The following WDPCP variants were observed in gnomAD, a reference collection of about 807,000 sequenced individuals.
WDPCP encodes WD repeat-containing and planar cell polarity effector protein fritz homolog.
WDPCP carries 71 observed loss-of-function variants against 93.1 expected under a neutral mutation model. That is an observed-to-expected ratio of 0.76 (90% CI 0.63 to 0.93). WDPCP has a LOEUF of 0.93. WDPCP is among the 40% of genes least tolerant of loss of function. The pLI is 0.00. For missense variants in WDPCP, 844 were observed against 887.4 expected (o/e 0.95, Z 0.62); for synonymous variants, 315 against 315.0 (o/e 1.00, Z 0.00).
At chr2:63,232,379 A>T (rs767873161) in intron 14 of WDPCP, 6 of 152,206 alleles carry the variant, frequency 3.9e-5, no homozygotes, top group African/African-American at 7.2e-5. Context: ...AGAAGAGAAG[A>T]TCCTTTGAAA....
At chr2:63,295,721 A>T (rs1684795033) in intron 13 of WDPCP, among the ~76,000 whole-genome samples, 2 of 151,940 alleles carry the variant, frequency 1.3e-5, no homozygotes, top group Non-Finnish European at 2.9e-5. Context: ...AAGAAATAGA[A>T]ATCCTGAACA....
At chr2:63,470,502 A>G (rs1188457731) in intron 6 of WDPCP, among the ~76,000 whole-genome samples, 4 of 152,082 alleles carry the variant, frequency 2.6e-5, no homozygotes, top group Admixed American at 2.6e-4. Context: ...TGATGCCTCA[A>G]CACTCAAAAT....
Position 63,164,932 on chromosome 2 carries a change from C to G in WDPCP, c.2078+9738G>C, listed in dbSNP as rs371849798. 8.7e-4 allele frequency among the ~76,000 whole-genome samples: 132 copies of G among 152,166 alleles called. No individual in the cohort carries two copies. The South Asian group carries it at 1.0e-2, about 11-fold the overall frequency. On this transcript the variant is annotated intron_variant, in intron 15 of 17. Coordinates refer to ENST00000272321, the MANE Select transcript of WDPCP (RefSeq NM_015910.7). ...AATTACAAGGGTATTAAAATACCTA[C>G]TTAACACAAGAGAAGGCAATAAGTG...
chr2:63,554,168 T>C (rs1479620148), intron 1 of WDPCP, among the ~76,000 whole-genome samples: 1 of 152,238 alleles, frequency 6.6e-6, no homozygotes, highest in Admixed American at 6.5e-5. Context: ...TGTCTCTTGA[T>C]TTTGACATTT....
chr2:63,408,836 T>C (rs1694802341), intron 9 of WDPCP, among the ~76,000 whole-genome samples: 1 of 151,900 alleles, frequency 6.6e-6, no homozygotes, highest in East Asian at 1.9e-4. Flanking sequence ...TCCTCCTAGG[T>C]ACACAAATCC....
At chr2:63,475,832 G>C (rs1699942790) in intron 6 of WDPCP, among the ~76,000 whole-genome samples, 1 of 151,810 alleles carries the variant, frequency 6.6e-6, no homozygotes, top group African/African-American at 2.4e-5. Context: ...AAGATCCTTG[G>C]CTCTAGCTCT....
chr2:63,313,230 T>C lies in WDPCP; in HGVS notation c.1812+18A>G. The C allele has an allele frequency of 6.2e-7, 1 of 1,612,268 alleles. No homozygotes were observed. Reference sequence around the variant, plus strand: ...CCTTAGAACTGAAGGCACAAAATCATCTCTGAAAATGACTCACCATAAAGA... The same window carrying C: ...CCTTAGAACTGAAGGCACAAAATCACCTCTGAAAATGACTCACCATAAAGA... On this transcript the variant is annotated intron_variant, in intron 13 of 17. Transcript: ENST00000272321.
At chr2:63,391,647 C>T (rs1405917763) in intron 10 of WDPCP, among the ~76,000 whole-genome samples, 1 of 152,186 alleles carries the variant, frequency 6.6e-6, no homozygotes, top group Non-Finnish European at 1.5e-5. Context: ...ACCCCATCAT[C>T]TCAGCTCAAA....
chr2:63,196,896 G>C (rs561421066), intron 14 of WDPCP, among the ~76,000 whole-genome samples: 2 of 152,274 alleles, frequency 1.3e-5, no homozygotes, highest in Admixed American at 1.3e-4. Flanking sequence ...TGGCAGAAGG[G>C]TTCTGACTGT....
chr2:63,237,798 A>G (rs1345092958), intron 14 of WDPCP, among the ~76,000 whole-genome samples: 1 of 152,126 alleles, frequency 6.6e-6, no homozygotes, highest in South Asian at 2.1e-4. Flanking sequence ...AGATGTAAAT[A>G]TGGGAACAGC....
intron 12 of WDPCP, among the ~76,000 whole-genome samples, chr2:63,366,241 T>C (rs554365049): frequency 6.6e-6 from 1 of 152,264 alleles, no homozygotes; most frequent in East Asian, 1.9e-4. Flanking sequence ...AAAGTTGGTC[T>C]TTAAGGAATG....
At position 63,497,111 on chromosome 2, in the gene WDPCP, C is replaced by CAAAAAAAAA. The variant is rs10667775; in HGVS notation, c.76-4180_76-4172dup. Among the ~76,000 whole-genome samples the CAAAAAAAAA allele has an allele frequency of 2.1e-4, 15 of 72,442 alleles. 1 individual carries two copies. Among genetic ancestry groups the CAAAAAAAAA allele is most frequent in the South Asian group, 6.7e-4 (1 of 1,488 alleles). 47.5% of individuals were successfully genotyped at this position (72,442 alleles called of 152,430 possible). On this transcript the variant is annotated intron_variant, in intron 1 of 17. Coordinates refer to ENST00000272321, the MANE Select transcript of WDPCP (RefSeq NM_015910.7). ...TAGGTGACAGAGTGAGACTCCATCT[C>CAAAAAAAAA]AAAAAAAAAAAAAAAAAAAAAGAAT...
At chr2:63,499,458 A>C (rs1481534205) in intron 1 of WDPCP, among the ~76,000 whole-genome samples, 1 of 152,196 alleles carries the variant, frequency 6.6e-6, no homozygotes, top group Admixed American at 6.5e-5. Context: ...TATTTTTAAA[A>C]AGAATAATTA....
chr2:63,376,900 T>TCA (rs1239192014), intron 12 of WDPCP, among the ~76,000 whole-genome samples: 1 of 151,876 alleles, frequency 6.6e-6, no homozygotes, highest in Non-Finnish European at 1.5e-5. Flanking sequence ...AAATGCCACT[T>TCA]TATATATAAA....
At chr2:63,467,769 C>A in intron 6 of WDPCP, among the ~76,000 whole-genome samples, 1 of 101,022 alleles carries the variant, frequency 9.9e-6, no homozygotes. Flanking sequence ...GAGCAAGACT[C>A]AGTCTCCAAA....
At chr2:63,194,157 G>T (rs923959952) in intron 14 of WDPCP, among the ~76,000 whole-genome samples, 35 of 152,002 alleles carry the variant, frequency 2.3e-4, no homozygotes, top group Non-Finnish European at 5.0e-4. Flanking sequence ...TTCACACTTT[G>T]TTGTCCTTCC....
chr2:63,724,539 A>G (rs1311084628), intron 2 of WDPCP, among the ~76,000 whole-genome samples: 1 of 152,248 alleles, frequency 6.6e-6, no homozygotes, highest in Non-Finnish European at 1.5e-5. Flanking sequence ...TAATAAAATC[A>G]CACCAATGCT....
chr2:63,229,527 G>C (rs1678631043), intron 14 of WDPCP: 1 of 152,132 alleles, frequency 6.6e-6, no homozygotes, highest in Non-Finnish European at 1.5e-5. Context: ...GTCCTGAATG[G>C]TATTGCCTAG....
chr2:63,556,647 T>C (rs528370932), intron 1 of WDPCP, among the ~76,000 whole-genome samples: 29 of 152,272 alleles, frequency 1.9e-4, no homozygotes, highest in African/African-American at 6.0e-4. Flanking sequence ...AGAGGCACTC[T>C]GGCTTTTTTA....
Sources: gnomAD v4.1 joint callset for allele counts (sites outside exome capture counted in the v4.1 genomes callset) on GRCh38, gnomAD v4.1.1 for gene constraint, MANE v1.5 for transcripts, NCBI Gene and HGNC (gene_info 2026-07-23, HGNC 2026-07-21) for gene names.